Variants in NAV2 observed in about 807,000 individuals in gnomAD.
NAV2 encodes neuron navigator 2, also known as helicase, APC down-regulated 1.
NAV2 carries 54 observed loss-of-function variants against 223.2 expected under a neutral mutation model. The ratio of observed to expected loss-of-function variants is 0.24; its 90% confidence interval spans 0.19 to 0.30. The LOEUF (loss-of-function observed/expected upper bound fraction) is 0.30, where lower values mean the gene tolerates loss of function less well. Ranked by LOEUF, NAV2 falls within the 10% of genes least tolerant of loss-of-function variation. The pLI is 1.00. For synonymous variants in NAV2, 1,279 were observed against 1,239.3 expected (o/e 1.03, Z -0.67); for missense variants, 2,806 against 3,147.5 (o/e 0.89, Z 2.60).
chr11:19,870,099 C>G (rs1307560651), intron 4 of NAV2, among the ~76,000 whole-genome samples: 1 of 152,134 alleles, frequency 6.6e-6, no homozygotes, highest in East Asian at 1.9e-4. Flanking sequence ...TGGACCTGTT[C>G]CCAGTCAGGC....
At chr11:19,551,877 CCTTCT>C (rs1160447320) in intron 1 of NAV2, among the ~76,000 whole-genome samples, 1 of 151,300 alleles carries the variant, frequency 6.6e-6, no homozygotes, top group Non-Finnish European at 1.5e-5. Context: ...TCCTTCCCCT[CCTTCT>C]CCTCTCCTCT....
intron 25 of NAV2, among the ~76,000 whole-genome samples, chr11:20,080,716 A>G (rs974587472): frequency 6.6e-6 from 1 of 152,228 alleles, no homozygotes; most frequent in African/African-American, 2.4e-5. Context: ...TCCTAATGTC[A>G]GTGTTAGAAG....
chr11:19,717,562 C>T (rs2050403346), intron 1 of NAV2, among the ~76,000 whole-genome samples: 1 of 152,226 alleles, frequency 6.6e-6, no homozygotes, highest in Non-Finnish European at 1.5e-5. Context: ...GTTGATGTTG[C>T]TTCATGCAAC....
At chr11:19,473,534 T>G (rs2042027926) in intron 1 of NAV2, among the ~76,000 whole-genome samples, 1 of 152,200 alleles carries the variant, frequency 6.6e-6, no homozygotes, top group South Asian at 2.1e-4. Context: ...GCGAAATGAT[T>G]TGGGATCACA....
chr11:19,584,225 T>C (rs1251768305), intron 1 of NAV2, among the ~76,000 whole-genome samples: 1 of 152,186 alleles, frequency 6.6e-6, no homozygotes, highest in Non-Finnish European at 1.5e-5. Flanking sequence ...GGTGGTGATA[T>C]TCCCTTTATC....
At chr11:19,405,426 G>T (rs955143001) in intron 1 of NAV2, among the ~76,000 whole-genome samples, 1 of 152,116 alleles carries the variant, frequency 6.6e-6, no homozygotes, top group African/African-American at 2.4e-5. Flanking sequence ...CTTCCTTTCT[G>T]TAGCAGTTGC....
At position 20,118,013 on chromosome 11, in the gene NAV2, G is replaced by T. The variant is rs1029796208; in HGVS notation, c.7165-120G>T. ...CCCAAAGTCCATGTTCTTGTCCACT[G>T]CCTCCACTGTGGGCTGTTATCCCAG... On this transcript the variant is annotated intron_variant, in intron 37 of 37. Transcript: ENST00000349880. 26 of 1,109,704 alleles carry T rather than the reference G, an allele frequency of 2.3e-5. No homozygotes were observed. The African/African-American group carries it at 4.1e-4, about 18-fold the overall frequency. 68.7% of individuals were successfully genotyped at this position (1,109,704 alleles called of 1,614,324 possible).
intron 1 of NAV2, among the ~76,000 whole-genome samples, chr11:19,437,564 C>A (rs1315036541): frequency 6.6e-6 from 1 of 152,076 alleles, no homozygotes; most frequent in African/African-American, 2.4e-5. Flanking sequence ...GTCTTTTATA[C>A]CTTTGGCTGA....
chr11:19,603,732 AG>A (rs2046409396), intron 1 of NAV2, among the ~76,000 whole-genome samples: 3 of 152,012 alleles, frequency 2.0e-5, no homozygotes, highest in South Asian at 2.1e-4. Context: ...GCAGGGAGAG[AG>A]GAAAAAAAGC....
intron 30 of NAV2, among the ~76,000 whole-genome samples, chr11:20,096,926 A>G (rs1380548312): frequency 1.3e-5 from 2 of 152,316 alleles, no homozygotes; most frequent in Admixed American, 1.3e-4. Flanking sequence ...AAAGAGACAC[A>G]TTGGCATCAT....
chr11:19,596,650 C>T (rs1590639382), intron 1 of NAV2, among the ~76,000 whole-genome samples: 1 of 152,294 alleles, frequency 6.6e-6, no homozygotes, highest in East Asian at 1.9e-4. Flanking sequence ...GTTTGTCTGC[C>T]CCCTTCCCAA....
intron 10 of NAV2, among the ~76,000 whole-genome samples, chr11:19,949,856 A>G (rs967679245): frequency 1.3e-5 from 2 of 152,220 alleles, no homozygotes; most frequent in African/African-American, 4.8e-5. Flanking sequence ...ATATTGCTAA[A>G]TCAATGAACA....
intron 1 of NAV2, among the ~76,000 whole-genome samples, chr11:19,415,240 C>T (rs3110090): frequency 0.54 from 81,451 of 151,850 alleles, 22,930 homozygotes; most frequent in Non-Finnish European, 0.62. Flanking sequence ...CAAATAGACA[C>T]AATAAAAAAT....
At chr11:19,865,197 C>T (rs2062019736) in intron 3 of NAV2, among the ~76,000 whole-genome samples, 1 of 152,194 alleles carries the variant, frequency 6.6e-6, no homozygotes, top group Non-Finnish European at 1.5e-5. Context: ...ATCCTCATCT[C>T]ATGCTGTGTG....
chr11:19,602,679 G>A (rs538357581), intron 1 of NAV2, among the ~76,000 whole-genome samples: 8 of 152,198 alleles, frequency 5.3e-5, no homozygotes, highest in Admixed American at 3.3e-4. Flanking sequence ...TTCCAGCTCT[G>A]GTGGCTCCAG....
chr11:19,747,599 G>A (rs547912851), intron 1 of NAV2, among the ~76,000 whole-genome samples: 9 of 152,310 alleles, frequency 5.9e-5, no homozygotes, highest in African/African-American at 1.9e-4. Flanking sequence ...CTAGGGCTGA[G>A]TCTCAATGCT....
At chr11:20,014,313 C>T (rs2254237) in intron 11 of NAV2, among the ~76,000 whole-genome samples, 152,001 of 152,350 alleles carry the variant, frequency 1, 75,830 homozygotes, top group Middle Eastern at 1. Flanking sequence ...GAAACATTTT[C>T]TTCATTCCCC....
rs187643662 is a variant in NAV2 at position 19,651,450 on chromosome 11, G to A, written c.76-181034G>A. Among the ~76,000 whole-genome samples the A allele has an allele frequency of 5.8e-4, 89 of 152,304 alleles. 1 individual carries two copies. In the South Asian group the frequency reaches 0.017, roughly 29 times the overall value. On this transcript the variant is annotated intron_variant, in intron 1 of 37. Coordinates refer to the NAV2 transcript ENST00000360655. ...ATATAATGTGCCATGTCTGTAAGAC[G>A]TGCTTGTTGGAATGTCCTTCACTGC...
chr11:19,560,464 C>T (rs1475458594), intron 1 of NAV2, among the ~76,000 whole-genome samples: 1 of 152,168 alleles, frequency 6.6e-6, no homozygotes, highest in Admixed American at 6.5e-5. Context: ...GTGTCTTCGC[C>T]TTTATAACGA....
Sources: gnomAD v4.1 joint callset for allele counts (sites outside exome capture counted in the v4.1 genomes callset) on GRCh38, gnomAD v4.1.1 for gene constraint, MANE v1.5 for transcripts, NCBI Gene and HGNC (gene_info 2026-07-23, HGNC 2026-07-21) for gene names.